Variants in NALF1 observed in about 807,000 individuals in gnomAD.
NALF1 encodes the protein NALCN channel auxiliary factor 1.
Under a neutral mutation model 48.4 loss-of-function variants are expected in NALF1, and 3 were observed. The ratio of observed to expected loss-of-function variants is 0.06; its 90% confidence interval spans 0.03 to 0.16. NALF1 has a LOEUF of 0.16. NALF1 is among the 10% of genes least tolerant of loss of function. NALF1 has a pLI of 1.00. For missense variants in NALF1, 526 were observed against 571.5 expected, an observed-to-expected ratio of 0.92 and a Z score of 0.81; for synonymous variants, 262 against 245.7, an observed-to-expected ratio of 1.07 and a Z score of -0.62.
chr13:107,339,398 A>G (rs1882626633), intron 1 of NALF1, among the ~76,000 whole-genome samples: 1 of 151,940 alleles, frequency 6.6e-6, no homozygotes, highest in African/African-American at 2.4e-5. Context: ...TGCACGTGTG[A>G]GTCATCTAGT....
intron 1 of NALF1, among the ~76,000 whole-genome samples, chr13:107,530,798 T>C (rs964316347): frequency 6.6e-6 from 1 of 152,086 alleles, no homozygotes; most frequent in African/African-American, 2.4e-5. Flanking sequence ...GCTGACAATA[T>C]AGAAAGAACA....
At chr13:107,606,365 T>A (rs1359264930) in intron 1 of NALF1, among the ~76,000 whole-genome samples, 1 of 150,284 alleles carries the variant, frequency 6.7e-6, no homozygotes, top group East Asian at 1.9e-4. Context: ...TCTTATTTAT[T>A]TATATATATA....
chr13:107,547,053 A>T (rs1244375640), intron 1 of NALF1, among the ~76,000 whole-genome samples: 1 of 152,214 alleles, frequency 6.6e-6, no homozygotes, highest in Non-Finnish European at 1.5e-5. Flanking sequence ...ATGAAAATTA[A>T]ATAACATATT....
Position 107,866,447 on chromosome 13 carries a change from G to A in NALF1, c.150C>T (p.Val50=). The A allele has an allele frequency of 6.2e-7, 1 of 1,614,182 alleles. No homozygotes were observed. The highest frequency in any genetic ancestry group is 8.5e-7 in the Non-Finnish European group (1 of 1,180,042). The change falls in exon 1 of 3, where the codon GTC becomes GTT. Residue 50 remains valine, a synonymous_variant. Transcript: ENST00000375915. This position sits in a 1 kb window ranked among gnomAD's most constrained non-coding sequence, Gnocchi z 4.4. ...AGAACCACAAGTGATCAGAGAGCAG[G>A]ACTGTGAAAAACAAGAGAGATGCCA... ...LSLASLLFFT[V]LLSDHLWFCA...
At chr13:107,517,565 G>A (rs1876099961) in intron 1 of NALF1, among the ~76,000 whole-genome samples, 1 of 152,252 alleles carries the variant, frequency 6.6e-6, no homozygotes, top group South Asian at 2.1e-4. Flanking sequence ...CTGGGAGGCG[G>A]AGGTTGCAAT....
intron 1 of NALF1, among the ~76,000 whole-genome samples, chr13:107,551,231 A>C (rs17384605): frequency 0.12 from 17,916 of 152,030 alleles, 1,432 homozygotes; most frequent in Admixed American, 0.19. Context: ...GTAACACTCT[A>C]TTTGTTAGTT....
At chr13:107,815,940 A>G (rs1879150278) in intron 1 of NALF1, among the ~76,000 whole-genome samples, 1 of 152,198 alleles carries the variant, frequency 6.6e-6, no homozygotes, top group Non-Finnish European at 1.5e-5. Flanking sequence ...AGTCTCTAGA[A>G]ACAGAAAGTA....
At chr13:107,245,906 G>T (rs901175208) in intron 1 of NALF1, among the ~76,000 whole-genome samples, 1 of 151,984 alleles carries the variant, frequency 6.6e-6, no homozygotes, top group Non-Finnish European at 1.5e-5. Context: ...AGTGTGCATG[G>T]TTCCTCCTGA....
rs571806426 is a variant in NALF1 at position 107,506,809 on chromosome 13, T to C, written c.916-296054A>G. Among the ~76,000 whole-genome samples, 21 of 152,232 alleles carry C rather than the reference T, an allele frequency of 1.4e-4. No individual in the cohort carries two copies. The East Asian group carries it at 3.7e-3, about 27-fold the overall frequency. On this transcript the variant is annotated intron_variant, in intron 1 of 2. Transcript: ENST00000375915. ...TGCTGGACATGTGGATCATTTCTAC[T>C]TTTTGGTCATTGTAAGTAATACTGC...
chr13:107,528,491 A>G (rs939869010), intron 1 of NALF1, among the ~76,000 whole-genome samples: 1 of 152,264 alleles, frequency 6.6e-6, no homozygotes, highest in Non-Finnish European at 1.5e-5. Flanking sequence ...TCTTTTTTAC[A>G]TTATGAAATT....
At chr13:107,566,461 C>G (rs921824118) in intron 1 of NALF1, among the ~76,000 whole-genome samples, 3 of 152,116 alleles carry the variant, frequency 2.0e-5, no homozygotes, top group African/African-American at 7.2e-5. Flanking sequence ...GCCAGAAGCA[C>G]CCAGTGCTGT....
At chr13:107,425,115 A>C (rs1412971532) in intron 1 of NALF1, among the ~76,000 whole-genome samples, 1 of 152,202 alleles carries the variant, frequency 6.6e-6, no homozygotes, top group African/African-American at 2.4e-5. Context: ...TTACGAAAGA[A>C]AGTTGATTTG....
intron 1 of NALF1, among the ~76,000 whole-genome samples, chr13:107,382,930 T>C (rs754313744): frequency 3.9e-5 from 6 of 152,122 alleles, no homozygotes; most frequent in Admixed American, 1.3e-4. Context: ...TACAGCAGCA[T>C]GAAGAATTGA....
chr13:107,332,526 C>A (rs1882488342), intron 1 of NALF1, among the ~76,000 whole-genome samples: 1 of 152,334 alleles, frequency 6.6e-6, no homozygotes, highest in Middle Eastern at 3.4e-3. Flanking sequence ...ACGCATGGCC[C>A]CTCAGGAGCA....
At chr13:107,180,181 T>G (rs1278733623) in intron 2 of NALF1, among the ~76,000 whole-genome samples, 1 of 151,916 alleles carries the variant, frequency 6.6e-6, no homozygotes, top group Non-Finnish European at 1.5e-5. Context: ...TTAAATCATT[T>G]TTTTGTTTTC....
At chr13:107,657,575 T>C (rs1264830630) in intron 1 of NALF1, among the ~76,000 whole-genome samples, 1 of 152,064 alleles carries the variant, frequency 6.6e-6, no homozygotes, top group Non-Finnish European at 1.5e-5. Context: ...ATGTATTGAG[T>C]ATGACTTTAA....
At chr13:107,408,973 C>G (rs1418299530) in intron 1 of NALF1, among the ~76,000 whole-genome samples, 1 of 151,990 alleles carries the variant, frequency 6.6e-6, no homozygotes, top group African/African-American at 2.4e-5. Flanking sequence ...TTTCCTGAAA[C>G]AAATAGCAAA....
rs192182410 is a variant in NALF1, at chr13:107,462,543, C to T, written c.916-251788G>A. Among the ~76,000 whole-genome samples, 221 of 152,014 alleles carry T rather than the reference C, an allele frequency of 1.5e-3. 1 individual carries two copies. Among genetic ancestry groups the T allele is most frequent in the African/African-American group, 5.2e-3 (216 of 41,546 alleles). On this transcript the variant is annotated intron_variant, in intron 1 of 2. Coordinates refer to ENST00000375915, the MANE Select transcript of NALF1 (RefSeq NM_001080396.3). Reference sequence around the variant, plus strand: ...CACATGGCAGGTGGTGAAGGGTCAACTCAGCAGGCCCAGGCTGCCCAAGCC... The same window carrying T: ...CACATGGCAGGTGGTGAAGGGTCAATTCAGCAGGCCCAGGCTGCCCAAGCC...
intron 1 of NALF1, among the ~76,000 whole-genome samples, chr13:107,590,711 G>A (rs1878581215): frequency 6.6e-6 from 1 of 151,880 alleles, no homozygotes; most frequent in Non-Finnish European, 1.5e-5. Flanking sequence ...GACTTCTGTT[G>A]GAGTAAGTGG....
Sources: allele counts gnomAD v4.1 joint callset (sites outside exome capture counted in the v4.1 genomes callset), GRCh38; gene constraint gnomAD v4.1.1; non-coding constraint Gnocchi (gnomAD v3.1); transcripts MANE v1.5; gene names NCBI Gene and HGNC (gene_info 2026-07-23, HGNC 2026-07-21).